Variants in PCDHA1 observed in about 807,000 individuals in gnomAD.
The protein encoded by PCDHA1 is protocadherin alpha 1.
In PCDHA1, 42 loss-of-function variants were observed where a neutral mutation model predicts 61.3. The observed-to-expected ratio is 0.69, with a 90% CI of 0.54 to 0.89. The LOEUF (loss-of-function observed/expected upper bound fraction) is 0.89, where lower values mean the gene tolerates loss of function less well. PCDHA1 is among the 40% of genes least tolerant of loss of function. The pLI, the probability that PCDHA1 is intolerant of heterozygous loss-of-function variation, is 0.00. For missense variants in PCDHA1, 1,256 were observed against 1,235.3 expected (o/e 1.02, Z -0.25); for synonymous variants, 610 against 553.8 (o/e 1.10, Z -1.43).
At chr5:140,882,644 A>T in intron 1 of PCDHA1, 1 of 1,614,256 alleles carries the variant, frequency 6.2e-7, no homozygotes. Flanking sequence ...GGTGAGGGAC[A>T]TTAACGACAA....
In PCDHA1 at chr5:140,835,249, T is replaced by TA. The variant is rs2150232715; in HGVS notation, c.2394+46569dup. ...TTCTCCAGTGATGTTTCTCCAGATA[T>TA]AAAATCCAAGTTCCACATGGACCCC... On this transcript the variant is annotated intron_variant, in intron 1 of 3. Transcript: ENST00000504120. 20 of 1,605,414 alleles carry TA rather than the reference T, an allele frequency of 1.2e-5. No homozygotes were observed. The South Asian group carries it at 1.7e-4, about 13-fold the overall frequency.
intron 1 of PCDHA1, chr5:140,822,354 G>T: frequency 6.2e-7 from 1 of 1,614,096 alleles, no homozygotes; most frequent in Non-Finnish European, 8.5e-7. Context: ...TTTTAGAGCT[G>T]GTTTTGAGGA....
intron 1 of PCDHA1, chr5:140,968,562 C>G: frequency 6.2e-7 from 1 of 1,614,208 alleles, no homozygotes; most frequent in South Asian, 1.1e-5. Flanking sequence ...CGAACTGCCC[C>G]TGCTGGCTAC....
intron 1 of PCDHA1, chr5:140,857,310 A>C (rs781828328): frequency 6.3e-7 from 1 of 1,598,608 alleles, no homozygotes; most frequent in Admixed American, 1.7e-5. Flanking sequence ...TCGGCCTATG[A>C]GCTGGTGGTG....
intron 1 of PCDHA1, chr5:140,797,082 G>T (rs376374088): frequency 3.7e-6 from 6 of 1,613,950 alleles, no homozygotes; most frequent in South Asian, 1.1e-5. Flanking sequence ...CCATCTGCGC[G>T]GTATCCAGCC....
intron 1 of PCDHA1, chr5:140,876,601 C>G: frequency 6.2e-7 from 1 of 1,614,152 alleles, no homozygotes; most frequent in Non-Finnish European, 8.5e-7. Context: ...CGTGTCGGAT[C>G]GTGACTCTGG....
chr5:140,819,771 T>A (rs1766619279), intron 1 of PCDHA1, among the ~76,000 whole-genome samples: 2 of 152,090 alleles, frequency 1.3e-5, no homozygotes, highest in Admixed American at 6.5e-5. Flanking sequence ...TCCTGAAATA[T>A]CTATATAAGT....
chr5:140,845,818 A>T (rs1554141021), intron 1 of PCDHA1, among the ~76,000 whole-genome samples: 2 of 149,728 alleles, frequency 1.3e-5, no homozygotes, highest in Admixed American at 1.3e-4. Flanking sequence ...ACATAATAAA[A>T]TTTAGTTATT....
At chr5:140,988,014 A>G (rs782358781) in intron 3 of PCDHA1, among the ~76,000 whole-genome samples, 4 of 152,242 alleles carry the variant, frequency 2.6e-5, no homozygotes, top group African/African-American at 7.2e-5. Context: ...GAAAGAAAGC[A>G]TGATTCTTAA....
chr5:141,010,201 C>A lies in PCDHA1; in HGVS notation c.*264C>A, dbSNP rs782495760. On this transcript the variant is annotated 3_prime_UTR_variant, in exon 4 of 4. Transcript: ENST00000504120. ...GCAGACCCAAGTTTCCTTTCTCCTC[C>A]GCCGCAAAGGAGAGGCTTCCCAGCC... 5.0e-5 allele frequency: 77 copies of A among 1,551,916 alleles called. No individual in the cohort carries two copies. The highest frequency in any genetic ancestry group is 6.1e-5 in the Non-Finnish European group (70 of 1,147,084).
intron 1 of PCDHA1, chr5:140,835,006 T>A: frequency 7.2e-7 from 1 of 1,393,804 alleles, no homozygotes; most frequent in Non-Finnish European, 9.7e-7. Context: ...ACTCCGGAGC[T>A]TCATTTATTG....
Position 140,787,584 on chromosome 5 carries a change from T to G in PCDHA1, c.1294T>G (p.Ser432Ala). ...GGTGGTGACCGCGCGGGACGGGGGC[T>G]CGCCTTCGCTGTGGGCCACGGCCAG... ...ELVVTARDGG[S>A]PSLWATARVS... Residue 432 changes from serine (S) to alanine (A), a missense_variant, in exon 1 of 4, where the codon TCG (serine) becomes GCG (alanine). By Grantham distance (99) the Ser-to-Ala change is moderately conservative. Coordinates refer to ENST00000504120, the MANE Select transcript of PCDHA1 (RefSeq NM_018900.4). The G allele has an allele frequency of 6.2e-7, 1 of 1,613,748 alleles. No homozygotes were observed. The highest frequency in any genetic ancestry group is 8.5e-7 in the Non-Finnish European group (1 of 1,179,930).
chr5:140,989,533 T>A (rs114286041), intron 3 of PCDHA1, among the ~76,000 whole-genome samples: 1 of 152,158 alleles, frequency 6.6e-6, no homozygotes, highest in Non-Finnish European at 1.5e-5. Context: ...AGGAGGAAGA[T>A]AGTTTGTAAT....
intron 1 of PCDHA1, chr5:140,858,027 C>T: frequency 1.3e-6 from 2 of 1,596,754 alleles, no homozygotes; most frequent in Non-Finnish European, 1.7e-6. Flanking sequence ...TCGCTGACGG[C>T]CACGGCCACT....
intron 1 of PCDHA1, chr5:140,805,413 G>C (rs191989993): frequency 1.9e-6 from 2 of 1,067,844 alleles, no homozygotes; most frequent in Non-Finnish European, 2.3e-6. Flanking sequence ...AAATTTGGTG[G>C]GTTTTTTGTT....
chr5:140,929,246 C>T, intron 1 of PCDHA1: 1 of 1,613,738 alleles, frequency 6.2e-7, no homozygotes, highest in Non-Finnish European at 8.5e-7. Context: ...AATCTTGCCA[C>T]TGGGGTAGGA....
intron 3 of PCDHA1, among the ~76,000 whole-genome samples, chr5:141,000,415 A>ATTT (rs1563651650): frequency 1.1e-5 from 1 of 87,398 alleles, no homozygotes; most frequent in South Asian, 4.0e-4. Flanking sequence ...ATATATATAT[A>ATTT]TATATATTTT....
Position 141,010,110 on chromosome 5 carries a change from A to C in PCDHA1, c.*173A>C. On this transcript the variant is annotated 3_prime_UTR_variant, in exon 4 of 4. Coordinates refer to ENST00000504120, the MANE Select transcript of PCDHA1 (RefSeq NM_018900.4). ...GAACGCATTTAACAGGTTTTGTCGT[A>C]AAAGCTTTACTAAGTCTGGTGTTAA... 6.2e-7 allele frequency: 1 copy of C among 1,611,166 alleles called. No individual in the cohort carries two copies. The highest frequency in any genetic ancestry group is 8.5e-7 in the Non-Finnish European group (1 of 1,178,396).
chr5:140,843,234 A>G, intron 1 of PCDHA1: 2 of 1,595,886 alleles, frequency 1.3e-6, no homozygotes, highest in African/African-American at 1.3e-5. Context: ...CGTGTCCTGG[A>G]CGAAGCGGAC....
Sources: allele counts gnomAD v4.1 joint callset (sites outside exome capture counted in the v4.1 genomes callset), GRCh38; gene constraint gnomAD v4.1.1; transcripts MANE v1.5; gene names NCBI Gene and HGNC (gene_info 2026-07-23, HGNC 2026-07-21).